Variants in SDK1 observed in about 807,000 individuals in gnomAD.
The protein encoded by SDK1 is protein sidekick-1.
A neutral mutation model predicts 245.5 loss-of-function variants in SDK1; 157 were observed. The observed-to-expected ratio is 0.64, with a 90% CI of 0.56 to 0.73. SDK1 has a LOEUF of 0.73. Among genes scored for constraint, SDK1 ranks in the 30% least tolerant of loss-of-function variants. The pLI, the probability that SDK1 is intolerant of heterozygous loss-of-function variation, is 0.00. For missense variants in SDK1, 3,583 were observed against 3,002.3 expected (o/e 1.19, Z -4.52); for synonymous variants, 1,647 against 1,278.5 (o/e 1.29, Z -6.15).
chr7:3,315,211 A>G (rs756741938), intron 1 of SDK1, among the ~76,000 whole-genome samples: 3 of 152,204 alleles, frequency 2.0e-5, no homozygotes, highest in Non-Finnish European at 4.4e-5. Context: ...ATATTAGGTG[A>G]AAAATGAGGT....
intron 1 of SDK1, among the ~76,000 whole-genome samples, chr7:3,380,921 G>A (rs1386567275): frequency 6.6e-6 from 1 of 152,180 alleles, no homozygotes; most frequent in Non-Finnish European, 1.5e-5. Flanking sequence ...TTAGCTGCAA[G>A]GAAACCTGAG....
At chr7:4,186,080 C>A (rs1782880352) in intron 35 of SDK1, among the ~76,000 whole-genome samples, 1 of 152,220 alleles carries the variant, frequency 6.6e-6, no homozygotes, top group South Asian at 2.1e-4. Flanking sequence ...TTCCCAGGAG[C>A]TCTAAAACAG....
At chr7:4,180,451 C>T (rs1188860373) in intron 35 of SDK1, among the ~76,000 whole-genome samples, 2 of 149,668 alleles carry the variant, frequency 1.3e-5, no homozygotes, top group South Asian at 2.1e-4. Context: ...ATGCCCAGCA[C>T]CCGGCTCCAG....
chr7:3,667,284 A>C (rs2128661517), intron 4 of SDK1, among the ~76,000 whole-genome samples: 1 of 152,364 alleles, frequency 6.6e-6, no homozygotes, highest in East Asian at 1.9e-4. Context: ...AGAACACTGC[A>C]GCATCTACTT....
At chr7:3,493,995 T>C (rs1486725004) in intron 1 of SDK1, among the ~76,000 whole-genome samples, 1 of 152,242 alleles carries the variant, frequency 6.6e-6, no homozygotes, top group Admixed American at 6.5e-5. Context: ...TATAGACAGT[T>C]CATTGAAACA....
intron 20 of SDK1, among the ~76,000 whole-genome samples, chr7:4,076,244 T>G (rs1780670161): frequency 6.6e-6 from 1 of 152,080 alleles, no homozygotes; most frequent in African/African-American, 2.4e-5. Context: ...TGATTTAAGG[T>G]ACAAAAAATA....
At chr7:3,340,489 A>G (rs1324025401) in intron 1 of SDK1, among the ~76,000 whole-genome samples, 2 of 152,154 alleles carry the variant, frequency 1.3e-5, no homozygotes, top group Non-Finnish European at 2.9e-5. Flanking sequence ...TTGGCCAGGT[A>G]TGGTGGCTCA....
intron 1 of SDK1, among the ~76,000 whole-genome samples, chr7:3,553,430 A>G (rs770109866): frequency 1.3e-5 from 2 of 152,176 alleles, no homozygotes; most frequent in African/African-American, 4.8e-5. Flanking sequence ...GGAGAACTCT[A>G]AAACTTGGTA....
chr7:3,481,656 T>TG (rs1458033418), intron 1 of SDK1, among the ~76,000 whole-genome samples: 1 of 152,194 alleles, frequency 6.6e-6, no homozygotes, highest in Non-Finnish European at 1.5e-5. Flanking sequence ...CTGTGTCCCT[T>TG]GGGAAAGGTC....
chr7:3,951,159 G>A, intron 6 of SDK1, 125 bp downstream of exon 6: 2 of 714,268 alleles, frequency 2.8e-6, no homozygotes, highest in Non-Finnish European at 4.9e-6. Flanking sequence ...GTTTGGCCGG[G>A]TGGGCCATGA....
chr7:3,984,202 G>T (rs979281912), intron 13 of SDK1, among the ~76,000 whole-genome samples: 1 of 152,102 alleles, frequency 6.6e-6, no homozygotes, highest in East Asian at 1.9e-4. Context: ...GGGGCAGAGG[G>T]ATGGAGGGAC....
At chr7:3,821,724 A>G (rs1025563464) in intron 5 of SDK1, 141 bp downstream of exon 5, 13 of 772,828 alleles carry the variant, frequency 1.7e-5, no homozygotes, top group Admixed American at 6.4e-5. Context: ...TCCAGTGCCA[A>G]TAGTTCGGAG....
chr7:4,034,450 C>T (rs1015520616), intron 17 of SDK1, among the ~76,000 whole-genome samples: 3 of 152,184 alleles, frequency 2.0e-5, no homozygotes, highest in Non-Finnish European at 4.4e-5. Flanking sequence ...TGATGGGCCT[C>T]ATGTTAGCAG....
intron 5 of SDK1, among the ~76,000 whole-genome samples, chr7:3,897,110 A>T (rs894720312): frequency 6.6e-6 from 1 of 152,166 alleles, no homozygotes; most frequent in African/African-American, 2.4e-5. Context: ...CCTTAATTCA[A>T]TCACCTCCCA....
intron 5 of SDK1, among the ~76,000 whole-genome samples, chr7:3,888,797 G>T (rs1291886894): frequency 4.6e-5 from 7 of 152,154 alleles, no homozygotes; most frequent in Non-Finnish European, 7.3e-5. Flanking sequence ...TAAGTTATTG[G>T]TGCAGATTTC....
chr7:3,910,472 C>T (rs937399604), intron 5 of SDK1, among the ~76,000 whole-genome samples: 1 of 152,126 alleles, frequency 6.6e-6, no homozygotes, highest in Non-Finnish European at 1.5e-5. Context: ...GCATCTGTGT[C>T]CTTAGCATTT....
chr7:4,207,417 C>G (rs1042101393), intron 36 of SDK1, among the ~76,000 whole-genome samples: 1 of 152,164 alleles, frequency 6.6e-6, no homozygotes, highest in South Asian at 2.1e-4. Flanking sequence ...CTCTTTAAAC[C>G]TTTGTGCTTG....
intron 4 of SDK1, among the ~76,000 whole-genome samples, chr7:3,739,734 T>G (rs1779422834): frequency 6.6e-6 from 1 of 152,212 alleles, no homozygotes. Flanking sequence ...TTTCAAGGTT[T>G]TTTTCTGTAA....
intron 1 of SDK1, among the ~76,000 whole-genome samples, chr7:3,410,882 C>T (rs946497152): frequency 3.9e-5 from 6 of 152,052 alleles, no homozygotes; most frequent in African/African-American, 1.2e-4. Flanking sequence ...CTACCACGCC[C>T]AGCCCAAACC....
Sources: gnomAD v4.1 joint callset for allele counts (sites outside exome capture counted in the v4.1 genomes callset) on GRCh38, gnomAD v4.1.1 for gene constraint, MANE v1.5 for transcripts, NCBI Gene and HGNC (gene_info 2026-07-23, HGNC 2026-07-21) for gene names.